Variants in HSF2BP observed in about 807,000 individuals in gnomAD.
HSF2BP encodes heat shock transcription factor 2 binding protein, also known as heat shock factor 2-binding protein.
In HSF2BP, 35 loss-of-function variants were observed where a neutral mutation model predicts 35.0. The ratio of observed to expected loss-of-function variants is 1.00; its 90% CI spans 0.76 to 1.32. The LOEUF is 1.32. Ranked by LOEUF, HSF2BP falls within the 40% of genes most tolerant of loss-of-function variation. The pLI is 0.00. For synonymous variants in HSF2BP, 114 were observed against 117.4 expected, an observed-to-expected ratio of 0.97 and a Z score of 0.18; for missense variants, 326 against 321.7, an observed-to-expected ratio of 1.01 and a Z score of -0.10.
chr21:43,607,109 C>T (rs528173992), intron 7 of HSF2BP, among the ~76,000 whole-genome samples: 15 of 151,982 alleles, frequency 9.9e-5, no homozygotes, highest in East Asian at 9.7e-4. Context: ...TGCAACATGG[C>T]GAAACCCTGT....
At chr21:43,650,708 T>A (rs2082773340) in intron 3 of HSF2BP, among the ~76,000 whole-genome samples, 1 of 143,212 alleles carries the variant, frequency 7.0e-6, no homozygotes, top group African/African-American at 2.6e-5. Context: ...CTTGCTTTTT[T>A]TTTTTTTTTT....
At chr21:43,573,930 G>T (rs955904173) in intron 8 of HSF2BP, among the ~76,000 whole-genome samples, 1 of 152,204 alleles carries the variant, frequency 6.6e-6, no homozygotes, top group Admixed American at 6.5e-5. Context: ...TTGGAAACTA[G>T]GAAGAAGTCA....
At chr21:43,636,283 A>G (rs2082557891) in intron 4 of HSF2BP, among the ~76,000 whole-genome samples, 4 of 151,602 alleles carry the variant, frequency 2.6e-5, no homozygotes, top group Non-Finnish European at 4.4e-5. Flanking sequence ...AACGAAGGGG[A>G]AAAAAAGAGA....
chr21:43,636,940 G>A (rs535836890), intron 4 of HSF2BP, among the ~76,000 whole-genome samples: 6 of 145,420 alleles, frequency 4.1e-5, no homozygotes, highest in South Asian at 4.5e-4. Context: ...GAAAACATAC[G>A]ACCGCAGAAA....
intron 6 of HSF2BP, among the ~76,000 whole-genome samples, chr21:43,618,855 G>T (rs2082300338): frequency 6.6e-6 from 1 of 151,408 alleles, no homozygotes; most frequent in Non-Finnish European, 1.5e-5. Flanking sequence ...TGAGGCAAAA[G>T]AATGGCGTGA....
At chr21:43,622,970 C>CTT (rs34892715) in intron 6 of HSF2BP, among the ~76,000 whole-genome samples, 18 of 146,578 alleles carry the variant, frequency 1.2e-4, no homozygotes, top group African/African-American at 4.3e-4. Context: ...TATCAAACAG[C>CTT]TTTTTTTTTT....
At chr21:43,630,583 A>G in intron 5 of HSF2BP, 129 bp from the exon 6 acceptor site, 2 of 1,208,204 alleles carry the variant, frequency 1.7e-6, no homozygotes, top group Non-Finnish European at 2.2e-6. Flanking sequence ...CCTCATTAAA[A>G]GTTCCCATTA....
rs146021066 is a variant in HSF2BP, at chr21:43,653,508, T to C, written c.187+3079A>G. On this transcript the variant is annotated intron_variant, in intron 3 of 8. Transcript: ENST00000291560. ...CAACATTTCAAAGGAAGATTGATCA[T>C]GTCGAGGTAGTCAGATTAGGCAGTG... Among the ~76,000 whole-genome samples the C allele has an allele frequency of 2.3e-3, 348 of 152,332 alleles. 2 individuals carry two copies. The highest frequency in any genetic ancestry group is 7.5e-3 in the African/African-American group (313 of 41,584).
At position 43,644,348 on chromosome 21, in the gene HSF2BP, A is replaced by C; in HGVS notation, c.232T>G (p.Cys78Gly). 6.2e-7 allele frequency: 1 copy of C among 1,614,166 alleles called. No homozygotes were observed. Among genetic ancestry groups the C allele is most frequent in the South Asian group, 1.1e-5 (1 of 91,078 alleles). The change falls in exon 4 of 9, where the codon TGT becomes GGT. Residue 78 changes from cysteine to glycine, a missense_variant. Transcript: ENST00000291560. ...EQELEQLKMD[C>G]EHFKARLETV... ...TCCAGGCGGGCTTTAAAGTGCTCAC[A>C]ATCCATTTTCAGCTGCTCTAATTCT...
At chr21:43,649,062 A>G (rs575381234) in intron 3 of HSF2BP, among the ~76,000 whole-genome samples, 1 of 152,054 alleles carries the variant, frequency 6.6e-6, no homozygotes, top group East Asian at 1.9e-4. Context: ...TTTAATTAAA[A>G]AAATTTTTTT....
At chr21:43,574,135 C>A (rs1470201190) in intron 8 of HSF2BP, among the ~76,000 whole-genome samples, 4 of 152,200 alleles carry the variant, frequency 2.6e-5, no homozygotes, top group Non-Finnish European at 5.9e-5. Flanking sequence ...TCTTACCAGA[C>A]TGCCAGCATC....
the HSF2BP span, among the ~76,000 whole-genome samples, chr21:43,445,602 C>A: frequency 4.2e-3 from 444 of 106,260 alleles, 37 homozygotes; most frequent in African/African-American, 0.012. Flanking sequence ...GCCGGGTGGG[C>A]ACCAGACTTG....
At chr21:43,657,751 G>A (rs1254988381) in intron 2 of HSF2BP, 26 of 819,306 alleles carry the variant, frequency 3.2e-5, no homozygotes, top group Non-Finnish European at 3.7e-5. Context: ...AGGGGAACTG[G>A]GCTTCCACGG....
intron 6 of HSF2BP, among the ~76,000 whole-genome samples, chr21:43,626,682 T>G (rs1029193725): frequency 6.6e-6 from 1 of 152,190 alleles, no homozygotes; most frequent in Non-Finnish European, 1.5e-5. Flanking sequence ...CCCCACTGGT[T>G]TGAAGTTGGT....
intron 8 of HSF2BP, among the ~76,000 whole-genome samples, chr21:43,575,155 C>G (rs73908321): frequency 6.6e-6 from 1 of 152,166 alleles, no homozygotes; most frequent in African/African-American, 2.4e-5. Flanking sequence ...TGGAATTCCT[C>G]AAATGTTACA....
At chr21:43,652,716 AGAT>A (rs1222525347) in intron 3 of HSF2BP, among the ~76,000 whole-genome samples, 1 of 152,230 alleles carries the variant, frequency 6.6e-6, no homozygotes, top group Non-Finnish European at 1.5e-5. Context: ...ATTAGATAAA[AGAT>A]GCCTTAGGAG....
At chr21:43,636,402 G>T (rs1322372956) in intron 4 of HSF2BP, among the ~76,000 whole-genome samples, 3 of 151,888 alleles carry the variant, frequency 2.0e-5, no homozygotes, top group Admixed American at 2.0e-4. Context: ...TAATAATAAA[G>T]TAAGTTTCAT....
intron 8 of HSF2BP, among the ~76,000 whole-genome samples, chr21:43,580,597 T>C (rs1462678378): frequency 2.6e-5 from 4 of 152,226 alleles, no homozygotes; most frequent in African/African-American, 9.6e-5. Flanking sequence ...TCAATAATGT[T>C]TGAGACATTT....
intron 7 of HSF2BP, among the ~76,000 whole-genome samples, chr21:43,595,612 A>T (rs1029704605): frequency 2.0e-5 from 3 of 151,986 alleles, no homozygotes; most frequent in Admixed American, 2.0e-4. Context: ...GAGCTGTGAC[A>T]GTGCTACTAC....
Sources: allele counts gnomAD v4.1 joint callset (sites outside exome capture counted in the v4.1 genomes callset), GRCh38; gene constraint gnomAD v4.1.1; transcripts MANE v1.5; gene names NCBI Gene and HGNC (gene_info 2026-07-23, HGNC 2026-07-21).